ELMO1: variants seen among roughly 807,000 people sequenced by gnomAD.
The protein encoded by ELMO1 is engulfment and cell motility 1.
In ELMO1, 26 loss-of-function variants were observed where a neutral mutation model predicts 98.9. The observed-to-expected ratio is 0.26, with a 90% CI of 0.19 to 0.36. The LOEUF (loss-of-function observed/expected upper bound fraction) is 0.36. Ranked by LOEUF, ELMO1 falls within the 10% of genes least tolerant of loss-of-function variation. The pLI, the probability that ELMO1 is intolerant of heterozygous loss-of-function variation, is 1.00. For synonymous variants in ELMO1, 346 were observed against 346.0 expected (o/e 1.00, Z 0.00); for missense variants, 627 against 935.2 (o/e 0.67, Z 4.30).
intron 1 of ELMO1, among the ~76,000 whole-genome samples, chr7:37,352,709 G>C (rs530604514): frequency 2.6e-5 from 4 of 152,256 alleles, no homozygotes; most frequent in Admixed American, 6.5e-5. Flanking sequence ...CTATGGGCTT[G>C]TCTCCAGGAA....
intron 13 of ELMO1, among the ~76,000 whole-genome samples, chr7:37,208,892 G>T (rs758650573): frequency 6.6e-6 from 1 of 151,850 alleles, no homozygotes; most frequent in Non-Finnish European, 1.5e-5. Context: ...GAAAAATAAA[G>T]AAAACCAACA....
At chr7:37,142,979 C>G (rs1225018406) in intron 13 of ELMO1, among the ~76,000 whole-genome samples, 1 of 152,068 alleles carries the variant, frequency 6.6e-6, no homozygotes, top group African/African-American at 2.4e-5. Context: ...CAATCACACC[C>G]CTCCACAGGC....
chr7:36,913,755 T>C (rs190538464), intron 16 of ELMO1, among the ~76,000 whole-genome samples: 56 of 152,322 alleles, frequency 3.7e-4, no homozygotes, highest in Non-Finnish European at 5.7e-4. Flanking sequence ...CCCTATGCTA[T>C]AGTTTCTGGG....
Position 37,097,443 on chromosome 7 carries a change from G to A in ELMO1, c.1192-716C>T, listed in dbSNP as rs752618802. ...TAAAAATAAAAACAAAATTATCTGG[G>A]TGCGGTGGCAGGTGCCTTTAATCAC... is the stretch of plus-strand genomic sequence containing the variant. On this transcript the variant is annotated intron_variant, in intron 14 of 21. Coordinates refer to ENST00000310758, the MANE Select transcript of ELMO1 (RefSeq NM_014800.11). 4.7e-4 allele frequency among the ~76,000 whole-genome samples: 72 copies of A among 152,202 alleles called. 1 individual carries two copies. Among genetic ancestry groups the A allele is most frequent in the Middle Eastern group, 3.4e-3 (1 of 294 alleles).
intron 2 of ELMO1, among the ~76,000 whole-genome samples, chr7:37,339,756 T>C (rs1299136436): frequency 6.6e-6 from 1 of 152,086 alleles, no homozygotes; most frequent in East Asian, 1.9e-4. Context: ...TAGGTTTCCA[T>C]ATGTGATTAA....
At chr7:37,387,665 G>C (rs1010130673) in intron 1 of ELMO1, among the ~76,000 whole-genome samples, 11 of 152,164 alleles carry the variant, frequency 7.2e-5, no homozygotes. Context: ...TGTTTCCCTA[G>C]CAGGCACTTA....
chr7:36,974,710 T>C (rs1005546399), intron 16 of ELMO1, among the ~76,000 whole-genome samples: 2 of 152,182 alleles, frequency 1.3e-5, no homozygotes, highest in African/African-American at 2.4e-5. Flanking sequence ...TCGGGTCCCC[T>C]TCCACACTGG....
At chr7:36,935,416 A>G (rs995134332) in intron 16 of ELMO1, among the ~76,000 whole-genome samples, 3 of 152,168 alleles carry the variant, frequency 2.0e-5, no homozygotes, top group African/African-American at 7.2e-5. Context: ...CTAAAAAAAA[A>G]TACTAGTACT....
intron 1 of ELMO1, among the ~76,000 whole-genome samples, chr7:37,369,627 CG>C (rs965667810): frequency 6.9e-6 from 1 of 145,548 alleles, no homozygotes; most frequent in Admixed American, 6.9e-5. Context: ...TAATAACCAA[CG>C]GGTAAGAAGG....
In ELMO1 at chr7:36,855,757, A is replaced by G. The variant is rs750500849; in HGVS notation, c.1984-6T>C. 2.4e-5 allele frequency: 38 copies of G among 1,613,764 alleles called. No homozygotes were observed. Among genetic ancestry groups the G allele is most frequent in the Admixed American group, 5.0e-5 (3 of 60,004 alleles). On this transcript the variant is annotated splice_region_variant and splice_polypyrimidine_tract_variant and intron_variant, in intron 21 of 21. Coordinates refer to ENST00000310758, the MANE Select transcript of ELMO1 (RefSeq NM_014800.11). The surrounding 1 kb of genome is among the most constrained non-coding windows in gnomAD (Gnocchi z 4.2). ...CCATCCGTCCAGATACAGTACTGGC[A>G]GGAAGGGAGGCAACAGCGATCATTA...
rs1019276313 is a variant in ELMO1, at chr7:37,237,761, G to A, written c.450-4567C>T. Among the ~76,000 whole-genome samples the A allele has an allele frequency of 4.6e-5, 7 of 152,136 alleles. No homozygotes were observed. In the East Asian group the frequency reaches 1.3e-3, roughly 29 times the overall value. ...AAGTAAAATGTATATACATTGAAAGGTATGGATTTATAAGTCATCCTATAG... is the reference window on the plus strand; with the variant it reads ...AAGTAAAATGTATATACATTGAAAGATATGGATTTATAAGTCATCCTATAG... On this transcript the variant is annotated intron_variant, in intron 7 of 21. Transcript: ENST00000310758.
At chr7:37,276,458 A>C (rs1283861547) in intron 4 of ELMO1, among the ~76,000 whole-genome samples, 1 of 152,064 alleles carries the variant, frequency 6.6e-6, no homozygotes, top group Admixed American at 6.6e-5. Flanking sequence ...AATACAAAAA[A>C]AAATTAGCCG....
intron 1 of ELMO1, among the ~76,000 whole-genome samples, chr7:37,395,271 G>T (rs188979495): frequency 1.0e-4 from 15 of 148,580 alleles, no homozygotes; most frequent in Admixed American, 9.0e-4. Context: ...GGAGGGTGAG[G>T]CAGGAGAATT....
intron 13 of ELMO1, among the ~76,000 whole-genome samples, chr7:37,158,778 A>G (rs1012218657): frequency 1.3e-5 from 2 of 152,212 alleles, no homozygotes; most frequent in Admixed American, 6.5e-5. Flanking sequence ...TAGAAATACC[A>G]TTTGACCCAG....
At chr7:37,382,655 G>T (rs1802626457) in intron 1 of ELMO1, among the ~76,000 whole-genome samples, 1 of 152,060 alleles carries the variant, frequency 6.6e-6, no homozygotes, top group Admixed American at 6.5e-5. Context: ...ACCCTTATCT[G>T]CCATTAGTAT....
intron 8 of ELMO1, among the ~76,000 whole-genome samples, chr7:37,226,121 G>A (rs930946404): frequency 6.6e-6 from 1 of 152,144 alleles, no homozygotes; most frequent in Non-Finnish European, 1.5e-5. Flanking sequence ...GTGAAAGGAG[G>A]GGTGGGAGAC....
At position 37,197,617 on chromosome 7, in the gene ELMO1, G is replaced by C. The variant is rs772368030; in HGVS notation, c.1086+13769C>G. ...AAGATAGAAGGCATGCTAGCTTTGC[G>C]TGGAGCTGATTGATGGCCATCAAAA... On this transcript the variant is annotated intron_variant, in intron 13 of 21. Coordinates refer to ENST00000310758, the MANE Select transcript of ELMO1 (RefSeq NM_014800.11). Among the ~76,000 whole-genome samples the C allele has an allele frequency of 4.3e-4, 65 of 152,340 alleles. 1 individual carries two copies. The highest frequency in any genetic ancestry group is 6.8e-3 in the Middle Eastern group (2 of 294).
At chr7:36,872,654 A>C (rs1436277051) in intron 19 of ELMO1, among the ~76,000 whole-genome samples, 1 of 152,090 alleles carries the variant, frequency 6.6e-6, no homozygotes, top group Non-Finnish European at 1.5e-5. Flanking sequence ...ATAACCAAGA[A>C]CTGGCCTCCT....
intron 16 of ELMO1, among the ~76,000 whole-genome samples, chr7:36,896,408 A>C (rs1806001228): frequency 6.6e-6 from 1 of 152,224 alleles, no homozygotes; most frequent in Non-Finnish European, 1.5e-5. Context: ...AAAGGTGGAC[A>C]TGGCCAAGGA....
Sources: gnomAD v4.1 joint callset for allele counts (sites outside exome capture counted in the v4.1 genomes callset) on GRCh38, gnomAD v4.1.1 for gene constraint, Gnocchi (gnomAD v3.1) non-coding constraint, MANE v1.5 for transcripts, NCBI Gene and HGNC (gene_info 2026-07-23, HGNC 2026-07-21) for gene names.